CCDC178: variants seen among roughly 807,000 people sequenced by gnomAD.
CCDC178 encodes the protein coiled-coil domain containing 178.
Under a neutral mutation model 117.4 loss-of-function variants are expected in CCDC178, and 126 were observed. That is an observed-to-expected ratio of 1.07 (90% CI 0.93 to 1.24). The LOEUF is 1.24. CCDC178 is among the 50% of genes most tolerant of loss of function. CCDC178 has a pLI of 0.00. For synonymous variants in CCDC178, 283 were observed against 313.4 expected, an observed-to-expected ratio of 0.90 and a Z score of 1.02; for missense variants, 1,030 against 986.9, an observed-to-expected ratio of 1.04 and a Z score of -0.59.
chr18:33,290,602 C>A (rs2060154660), intron 12 of CCDC178, among the ~76,000 whole-genome samples: 1 of 151,842 alleles, frequency 6.6e-6, no homozygotes, highest in African/African-American at 2.4e-5. Flanking sequence ...ATAAATGAAC[C>A]AGATAATCCT....
intron 22 of CCDC178, among the ~76,000 whole-genome samples, chr18:32,969,068 A>T (rs1464007124): frequency 1.3e-5 from 2 of 152,070 alleles, no homozygotes; most frequent in Non-Finnish European, 2.9e-5. Flanking sequence ...AGGTAGAAAG[A>T]ACTTTTGGAG....
At chr18:33,106,117 A>G (rs972370049) in intron 20 of CCDC178, among the ~76,000 whole-genome samples, 1 of 151,672 alleles carries the variant, frequency 6.6e-6, no homozygotes, top group African/African-American at 2.4e-5. Context: ...AATTGAAACA[A>G]TGCTTATATA....
chr18:33,287,162 AT>A (rs1431347059), intron 12 of CCDC178, among the ~76,000 whole-genome samples: 1 of 46,090 alleles, frequency 2.2e-5, no homozygotes, highest in Admixed American at 2.9e-4. Context: ...ATGCCTTGAA[AT>A]TAAAAAAAAA....
chr18:32,959,499 T>G (rs1568182027), intron 22 of CCDC178, among the ~76,000 whole-genome samples: 1 of 152,160 alleles, frequency 6.6e-6, no homozygotes, highest in Non-Finnish European at 1.5e-5. Flanking sequence ...TTTCATAATT[T>G]TCTCTTTGTC....
intron 11 of CCDC178, among the ~76,000 whole-genome samples, chr18:33,295,963 T>A (rs1057399467): frequency 3.3e-5 from 5 of 152,144 alleles, no homozygotes; most frequent in African/African-American, 7.2e-5. Flanking sequence ...AAACTTATGT[T>A]CACACAAAAA....
chr18:33,182,429 T>C (rs956616275), intron 20 of CCDC178, among the ~76,000 whole-genome samples: 2 of 152,016 alleles, frequency 1.3e-5, no homozygotes, highest in Non-Finnish European at 2.9e-5. Flanking sequence ...CTGTCTTTTA[T>C]ACTATCTTTC....
intron 20 of CCDC178, among the ~76,000 whole-genome samples, chr18:33,146,896 T>G (rs1433955782): frequency 6.6e-6 from 1 of 152,224 alleles, no homozygotes; most frequent in African/African-American, 2.4e-5. Flanking sequence ...AGACTCAGTC[T>G]GAAAAAATAC....
At chr18:33,415,052 T>C (rs1599292216) in intron 2 of CCDC178, among the ~76,000 whole-genome samples, 3 of 151,962 alleles carry the variant, frequency 2.0e-5, no homozygotes, top group Non-Finnish European at 4.4e-5. Flanking sequence ...CAAGAAACAA[T>C]AGATGCTGGA....
chr18:33,269,520 C>T (rs2144778321), intron 12 of CCDC178, among the ~76,000 whole-genome samples: 1 of 151,854 alleles, frequency 6.6e-6, no homozygotes, highest in East Asian at 1.9e-4. Flanking sequence ...TTGGCAACTG[C>T]CTGGTTGTTT....
chr18:33,266,996 AGAAATAGCT>A lies in CCDC178; in HGVS notation c.1320_1328del (p.Ala441_Ser443del). 1 of 1,601,708 alleles carries A rather than the reference AGAAATAGCT, an allele frequency of 6.2e-7. No individual in the cohort carries two copies. Among genetic ancestry groups the A allele is most frequent in the South Asian group, 1.1e-5 (1 of 87,778 alleles). On this transcript the variant is annotated inframe_deletion, in exon 14 of 23. Coordinates refer to ENST00000383096, the MANE Select transcript of CCDC178 (RefSeq NM_001105528.4). ...CTTCCGTCAGTTTTGTACATGCCAA[AGAAATAGCT>A]GAAAAATCTTTTGCAACATCAGAAA... is the stretch of plus-strand genomic sequence containing the variant.
At chr18:33,179,076 A>ATATATATATATAT (rs1211416291) in intron 20 of CCDC178, among the ~76,000 whole-genome samples, 1 of 88,716 alleles carries the variant, frequency 1.1e-5, no homozygotes, top group African/African-American at 6.5e-5. Context: ...AAAAAAAAAA[A>ATATATATATATAT]AAATATATAT....
intron 22 of CCDC178, among the ~76,000 whole-genome samples, chr18:32,972,535 G>GT (rs1370596582): frequency 4.6e-5 from 7 of 152,140 alleles, no homozygotes; most frequent in Non-Finnish European, 8.8e-5. Context: ...ATTTAAAGCA[G>GT]TTTTTTTCCA....
chr18:33,177,834 C>T (rs186297858), intron 20 of CCDC178, among the ~76,000 whole-genome samples: 81 of 152,196 alleles, frequency 5.3e-4, no homozygotes, highest in Middle Eastern at 6.8e-3. Context: ...TTGACTACTC[C>T]TTTTCTGTAG....
intron 15 of CCDC178, among the ~76,000 whole-genome samples, chr18:33,232,425 G>C (rs1258219006): frequency 2.0e-5 from 3 of 152,172 alleles, no homozygotes. Flanking sequence ...AGCAAAGTTA[G>C]AGAATTTATG....
chr18:33,040,620 C>T (rs2056530858), intron 21 of CCDC178, among the ~76,000 whole-genome samples: 1 of 151,912 alleles, frequency 6.6e-6, no homozygotes, highest in Non-Finnish European at 1.5e-5. Context: ...TGGGCTAAAA[C>T]TCCAAGCCAT....
At chr18:33,278,218 C>A (rs2059974310) in intron 12 of CCDC178, among the ~76,000 whole-genome samples, 1 of 106,178 alleles carries the variant, frequency 9.4e-6, no homozygotes, top group African/African-American at 3.4e-5. Context: ...TCCAATGATC[C>A]TAAAATACAT....
chr18:33,013,666 T>TA (rs1179378685), intron 21 of CCDC178, among the ~76,000 whole-genome samples: 2 of 152,146 alleles, frequency 1.3e-5, no homozygotes, highest in East Asian at 3.8e-4. Flanking sequence ...AGTGCGGAAA[T>TA]AGAGTATGAG....
intron 20 of CCDC178, among the ~76,000 whole-genome samples, chr18:33,115,962 A>C (rs184990312): frequency 6.6e-6 from 1 of 152,278 alleles, no homozygotes; most frequent in East Asian, 1.9e-4. Context: ...ATGTCAAATG[A>C]AATTTGACAG....
rs137996619 is a variant in CCDC178 at position 33,064,002 on chromosome 18, C to A, written c.2388+28759G>T. Among the ~76,000 whole-genome samples the A allele has an allele frequency of 2.5e-4, 38 of 152,326 alleles. No individual in the cohort carries two copies. The East Asian group carries it at 6.8e-3, about 27-fold the overall frequency. ...TTCAAAGCCAAAGCAACCTCTCCAG[C>A]CAACACTATAGACACAGCTGTAGGA... is the stretch of plus-strand genomic sequence containing the variant. On this transcript the variant is annotated intron_variant, in intron 21 of 22. Transcript: ENST00000383096.
Sources: gnomAD v4.1 joint callset for allele counts (sites outside exome capture counted in the v4.1 genomes callset) on GRCh38, gnomAD v4.1.1 for gene constraint, MANE v1.5 for transcripts, NCBI Gene and HGNC (gene_info 2026-07-23, HGNC 2026-07-21) for gene names.